Variants in KMT2D observed in about 807,000 individuals in gnomAD.
KMT2D encodes histone-lysine N-methyltransferase 2D.
KMT2D carries 55 observed loss-of-function variants against 512.7 expected under a neutral mutation model. The observed-to-expected ratio is 0.11, with a 90% CI of 0.09 to 0.13. The LOEUF is 0.13. Ranked by LOEUF, KMT2D falls within the 10% of genes least tolerant of loss-of-function variation. KMT2D has a pLI of 1.00. For missense variants in KMT2D, 6,061 were observed against 7,127.9 expected (o/e 0.85, Z 5.39); for synonymous variants, 2,995 against 2,904.0 (o/e 1.03, Z -1.01).
intron 1 of KMT2D, among the ~76,000 whole-genome samples, chr12:49,056,958 T>A (rs974415603): frequency 6.6e-6 from 1 of 152,112 alleles, no homozygotes; most frequent in Non-Finnish European, 1.5e-5. Context: ...CCCCTAACAC[T>A]CTCAGAACTC....
Position 49,039,386 on chromosome 12 carries a change from G to C in KMT2D, c.8230-28C>G, listed in dbSNP as rs1456628417. On this transcript the variant is annotated intron_variant, in intron 33 of 54. Transcript: ENST00000301067. The surrounding 1 kb of genome is among the most constrained non-coding windows in gnomAD (Gnocchi z 5.0). ...AGAAGAGACAAGGTAGATGAAGGTG[G>C]AGCAACCTTCAATATCCTGGCCCCA... The C allele has an allele frequency of 1.2e-6, 2 of 1,607,616 alleles. No individual in the cohort carries two copies. The highest frequency in any genetic ancestry group is 2.7e-5 in the African/African-American group (2 of 74,680).
Position 49,046,297 on chromosome 12 carries a change from C to G in KMT2D, c.4546G>C (p.Glu1516Gln), listed in dbSNP as rs2120603973. ...TCPICHAPYV[E>Q]EDLLIQCRHC... ...CGGCACTGGATTAGTAGGTCCTCTT[C>G]TACGTAAGGAGCATGACAGATAGGG... The change falls in exon 17 of 55, where the codon GAA becomes CAA. Residue 1516 changes from glutamate (E) to glutamine (Q), a missense_variant. Coordinates refer to ENST00000301067, the MANE Select transcript of KMT2D (RefSeq NM_003482.4). The surrounding 1 kb of genome is among the most constrained non-coding windows in gnomAD (Gnocchi z 4.2). 6.2e-7 allele frequency: 1 copy of G among 1,613,994 alleles called. No individual in the cohort carries two copies. The highest frequency in any genetic ancestry group is 8.5e-7 in the Non-Finnish European group (1 of 1,179,884).
In KMT2D at chr12:49,022,172, A is replaced by T. The variant is rs2137704235; in HGVS notation, c.16413-21T>A. 6.2e-7 allele frequency: 1 copy of T among 1,609,830 alleles called. No homozygotes were observed. The highest frequency in any genetic ancestry group is 1.1e-5 in the South Asian group (1 of 91,006). The stretch of plus-strand genomic sequence containing the variant: ...TGTACCTGGGCAGTGGGACAGAGTC[A>T]GGGATGTCAGGCAACTAACTTGGGA... On this transcript the variant is annotated intron_variant, in intron 53 of 54. Transcript: ENST00000301067. This position sits in a 1 kb window ranked among gnomAD's most constrained non-coding sequence, Gnocchi z 8.6.
Position 49,041,725 on chromosome 12 carries a change from G to GC in KMT2D, c.6184-21dup. On this transcript the variant is annotated intron_variant, in intron 30 of 54. Transcript: ENST00000301067. This position sits in a 1 kb window ranked among gnomAD's most constrained non-coding sequence, Gnocchi z 5.4. ...CTTTTGCTGAGGGATATGGGACACAGCCTTAGGGCCTAGTGCTTGGTCTCA... is the reference window on the plus strand; with the variant it reads ...CTTTTGCTGAGGGATATGGGACACAGCCCTTAGGGCCTAGTGCTTGGTCTCA... The GC allele has an allele frequency of 6.2e-7, 1 of 1,604,310 alleles. No homozygotes were observed. Among genetic ancestry groups the GC allele is most frequent in the African/African-American group, 1.3e-5 (1 of 74,834 alleles).
At chr12:49,047,736 C>T (rs932416436) in intron 15 of KMT2D, among the ~76,000 whole-genome samples, 3 of 152,034 alleles carry the variant, frequency 2.0e-5, no homozygotes, top group Admixed American at 6.5e-5. Flanking sequence ...TTATTTTTTA[C>T]GATGGACTGA....
chr12:49,031,072 C>T (rs2120414880), intron 40 of KMT2D, 39 bp from the exon 41 acceptor site: 2 of 1,612,718 alleles, frequency 1.2e-6, no homozygotes, highest in Non-Finnish European at 1.7e-6. Context: ...CTACCCTCCT[C>T]CTCAGAGCCC....
chr12:49,050,020 C>G lies in KMT2D; in HGVS notation c.3568G>C (p.Ala1190Pro), dbSNP rs1206669578. Residue 1190 changes from alanine (A) to proline (P), a missense_variant, in exon 12 of 55, where the codon GCA (alanine) becomes CCA (proline). Physicochemically the swap from Ala to Pro is conservative, Grantham distance 27. Around this residue, in one of 16 missense-constraint regions of KMT2D, gnomAD observed 447 missense variants for 500.1 expected, o/e 0.89. Coordinates refer to ENST00000301067, the MANE Select transcript of KMT2D (RefSeq NM_003482.4). Reference protein sequence around the residue: ...SPCEEQEEPRAPVAPTPPTLI... With the variant: ...SPCEEQEEPRPPVAPTPPTLI... Reference sequence around the variant, plus strand: ...GTGGGTGGTGTGGGGGCCACCGGTGCACGTGGCTCTTCCTGTTCTTCACAT... The same window carrying G: ...GTGGGTGGTGTGGGGGCCACCGGTGGACGTGGCTCTTCCTGTTCTTCACAT... 6.2e-7 allele frequency: 1 copy of G among 1,613,816 alleles called. No individual in the cohort carries two copies. The highest frequency in any genetic ancestry group is 2.2e-5 in the East Asian group (1 of 44,890).
rs368967997 is a variant in KMT2D at position 49,038,974 on chromosome 12, G to T, written c.8382C>A (p.Gly2794=). 395 of 1,551,820 alleles carry T rather than the reference G, an allele frequency of 2.5e-4. 1 individual carries two copies. Among genetic ancestry groups the T allele is most frequent in the Non-Finnish European group, 3.2e-4 (367 of 1,147,062 alleles). Residue 2794 remains glycine (G), a synonymous_variant, in exon 35 of 55, where the codon GGC becomes GGA. Transcript: ENST00000301067. The surrounding 1 kb of genome is among the most constrained non-coding windows in gnomAD (Gnocchi z 5.7). The stretch of plus-strand genomic sequence containing the variant: ...GTGCTCGCTGATAGAAAGCTTGGGA[G>T]CCTCCTACCAGTTGCCTGGAAGAAT... ...MDVNSRQLVG[G]SQAFYQRAPY... is the part of the protein sequence containing the mutation.
At chr12:49,035,445 G>A (rs1225381912) in intron 35 of KMT2D, 1 of 152,262 alleles carries the variant, frequency 6.6e-6, no homozygotes, top group Admixed American at 6.5e-5. Flanking sequence ...TAGAATGCTG[G>A]GCAAAAAAGA....
Position 49,054,575 on chromosome 12 carries a change from A to G in KMT2D, c.353T>C (p.Ile118Thr), listed in dbSNP as rs2120711015. The G allele has an allele frequency of 6.2e-7, 1 of 1,613,074 alleles. No individual in the cohort carries two copies. Among genetic ancestry groups the G allele is most frequent in the Non-Finnish European group, 8.5e-7 (1 of 1,179,474 alleles). The change falls in exon 4 of 55, where the codon ATT becomes ACT. Residue 118 changes from isoleucine to threonine, a missense_variant. Physicochemically the swap from Ile to Thr is moderately conservative, Grantham distance 89. Around this residue, in one of 16 missense-constraint regions of KMT2D, gnomAD observed 144 missense variants for 165.7 expected, o/e 0.87. Transcript: ENST00000301067. The surrounding 1 kb of genome is among the most constrained non-coding windows in gnomAD (Gnocchi z 6.4). Reference protein sequence around the residue: ...AVLPSEDLSQIGFPEGLTPAH... With the variant: ...AVLPSEDLSQTGFPEGLTPAH... ...AGGTGTAAGGCCCTCAGGGAAACCA[A>G]TCTGTGATAGGTCCTCACTGGGCAG...
intron 13 of KMT2D, 144 bp from the exon 14 acceptor site, chr12:49,048,913 G>A (rs1210461587): frequency 2.8e-6 from 2 of 705,170 alleles, no homozygotes; most frequent in Non-Finnish European, 4.9e-6. Flanking sequence ...GAACACCCCA[G>A]CTCCCAAATT....
rs1176744330 is a variant in KMT2D at position 49,051,489 on chromosome 12, G to C, written c.2194C>G (p.Pro732Ala). The C allele has an allele frequency of 1.9e-6, 3 of 1,613,692 alleles. No individual in the cohort carries two copies. Among genetic ancestry groups the C allele is most frequent in the Non-Finnish European group, 2.5e-6 (3 of 1,179,740 alleles). The change falls in exon 11 of 55, where the codon CCG becomes GCG. Residue 732 changes from proline to alanine, a missense_variant. Pro to Ala is a conservative substitution (Grantham distance 27). Coordinates refer to ENST00000301067, the MANE Select transcript of KMT2D (RefSeq NM_003482.4). ...CCCTCGGACCGGGGGCAGAGTTGCG[G>C]CTCCTCAGGTAGTGGCAACAGGGGT... ...ESPLLPLPEEPQLCPRSEGPH... is the reference protein window; with the variant it reads ...ESPLLPLPEEAQLCPRSEGPH...
Position 49,036,645 on chromosome 12 carries a change from C to T in KMT2D, c.10231+480G>A, listed in dbSNP as rs192552930. Among the ~76,000 whole-genome samples, 223 of 151,984 alleles carry T rather than the reference C, an allele frequency of 1.5e-3. 1 individual carries two copies. The highest frequency in any genetic ancestry group is 3.6e-3 in the Admixed American group (55 of 15,258). ...CTGGGATTACAGGGATGCACCACCG[C>T]GCCCGGCTCACACCCAGCTAATTTT... On this transcript the variant is annotated intron_variant, in intron 35 of 54. Transcript: ENST00000301067.
rs1942600558 is a variant in KMT2D, at chr12:49,026,545, G to A, written c.15421C>T (p.Pro5141Ser). 1.9e-6 allele frequency: 3 copies of A among 1,613,838 alleles called. No homozygotes were observed. Among genetic ancestry groups the A allele is most frequent in the African/African-American group, 2.7e-5 (2 of 74,916 alleles). ...AAAGAGCTCAGCTCTTGCTCACAGG[G>A]CCCCTTGATCTTATGCATTGGACAC... ...MLCPMHKIKG[P>S]CEQELSSFAV... The change falls in exon 49 of 55, where the codon CCC (proline) becomes TCC (serine). Residue 5141 changes from proline to serine, a missense_variant. Physicochemically the swap from Pro to Ser is moderately conservative, Grantham distance 74 (BLOSUM62 -1). Transcript: ENST00000301067. This position sits in a 1 kb window ranked among gnomAD's most constrained non-coding sequence, Gnocchi z 9.6.
rs772005881 is a variant in KMT2D, at chr12:49,051,025, A to G, written c.2658T>C (p.Pro886=). The G allele has an allele frequency of 6.4e-7, 1 of 1,557,160 alleles. No homozygotes were observed. The highest frequency in any genetic ancestry group is 1.2e-5 in the South Asian group (1 of 81,270). ...APEELPLFPP[P]GEPSLSPLLG... ...GCAAGGGAGATAAGGATGGTTCCCC[A>G]GGGGGAGGGAACAAGGGCAGCTCCT... Residue 886 remains proline, a synonymous_variant, in exon 11 of 55, where the codon CCT becomes CCC. Transcript: ENST00000301067.
At position 49,039,278 on chromosome 12, in the gene KMT2D, G is replaced by A. The variant is rs776565863; in HGVS notation, c.8310C>T (p.Asp2770=). 12 of 1,613,564 alleles carry A rather than the reference G, an allele frequency of 7.4e-6. No individual in the cohort carries two copies. The highest frequency in any genetic ancestry group is 1.0e-5 in the Non-Finnish European group (12 of 1,179,880). ...ILGPGSFPSD[D]RLSRPPPPAT... The stretch of plus-strand genomic sequence containing the variant: ...CTGGTGGAGGTGGCCGGGAGAGTCG[G>A]TCATCGCTAGGGAAGGACCCTGGCC... The change falls in exon 34 of 55, where the codon GAC becomes GAT. Residue 2770 remains aspartate (D), a synonymous_variant. Transcript: ENST00000301067. The surrounding 1 kb of genome is among the most constrained non-coding windows in gnomAD (Gnocchi z 5.0).
chr12:49,033,517 G>A lies in KMT2D; in HGVS notation c.11188C>T (p.Leu3730=), dbSNP rs767250019. Residue 3730 remains leucine, a synonymous_variant, in exon 40 of 55, where the codon CTG becomes TTG. Coordinates refer to ENST00000301067, the MANE Select transcript of KMT2D (RefSeq NM_003482.4). Reference sequence around the variant, plus strand: ...TGCTGCTGCTGCAGTTTCTGGGCCAGCTGCATACGTTGCTGCTGCAGCTGC... The same window carrying A: ...TGCTGCTGCTGCAGTTTCTGGGCCAACTGCATACGTTGCTGCTGCAGCTGC... ...QLQLQQQRMQ[L]AQKLQQQQQQ... 3.7e-6 allele frequency: 6 copies of A among 1,613,604 alleles called. No homozygotes were observed. The South Asian group carries it at 6.6e-5, about 18-fold the overall frequency.
In KMT2D at chr12:49,026,490, C is replaced by G. The variant is rs1205083140; in HGVS notation, c.15476G>C (p.Arg5159Pro). 1 of 1,613,880 alleles carries G rather than the reference C, an allele frequency of 6.2e-7. No homozygotes were observed. The highest frequency in any genetic ancestry group is 8.5e-7 in the Non-Finnish European group (1 of 1,179,898). The stretch of plus-strand genomic sequence containing the variant: ...GCTAGCGATTTGCTTCACCTCGTCC[C>G]GCTCAATGTAGACCCGCCGGAAGAC... The part of the protein sequence containing the change: ...FAVFRRVYIE[R>P]DEVKQIASII... The change falls in exon 49 of 55, where the codon CGG becomes CCG. Residue 5159 changes from arginine (R) to proline (P), a missense_variant. By Grantham distance (103) the Arg-to-Pro change is moderately radical. Around this residue, in one of 16 missense-constraint regions of KMT2D, gnomAD observed 261 missense variants for 440.7 expected, o/e 0.59. Transcript: ENST00000301067. This position sits in a 1 kb window ranked among gnomAD's most constrained non-coding sequence, Gnocchi z 9.6.
chr12:49,031,125 G>T, intron 40 of KMT2D, 50 bp downstream of exon 40: 1 of 1,608,812 alleles, frequency 6.2e-7, no homozygotes. Context: ...TCTGCCCCCC[G>T]CTGGCTCTAG....
Sources: gnomAD v4.1 joint callset for allele counts (sites outside exome capture counted in the v4.1 genomes callset) on GRCh38, gnomAD v4.1.1 for gene constraint, gnomAD v4.1.1 regional missense constraint, Gnocchi (gnomAD v3.1) non-coding constraint, MANE v1.5 for transcripts, NCBI Gene and HGNC (gene_info 2026-07-23, HGNC 2026-07-21) for gene names.